The following BMERB1 variants were observed in gnomAD, a reference collection of about 807,000 sequenced individuals.
The protein encoded by BMERB1 is bMERB domain containing 1, also known as bMERB domain-containing protein 1.
A neutral mutation model predicts 23.6 loss-of-function variants in BMERB1; 12 were observed. The ratio of observed to expected loss-of-function variants is 0.51; its 90% CI spans 0.33 to 0.82. The LOEUF (loss-of-function observed/expected upper bound fraction) is 0.82. Ranked by LOEUF, BMERB1 falls within the 40% of genes least tolerant of loss-of-function variation. BMERB1 has a pLI of 0.03. For missense variants in BMERB1, 247 were observed against 255.4 expected (o/e 0.97, Z 0.22); for synonymous variants, 122 against 96.6 (o/e 1.26, Z -1.54).
intron 1 of BMERB1, among the ~76,000 whole-genome samples, chr16:15,505,752 G>A (rs569908886): frequency 1.2e-3 from 188 of 152,146 alleles, no homozygotes; most frequent in African/African-American, 4.5e-3. Flanking sequence ...GGCTGGTGTG[G>A]TGGTGGGCGC....
chr16:15,581,392 C>A, intron 4 of BMERB1, 61 bp downstream of exon 4: 1 of 1,389,112 alleles, frequency 7.2e-7, no homozygotes, highest in Non-Finnish European at 1.0e-6. Context: ...TGCTTCCTTC[C>A]AGAACCCATC....
intron 2 of BMERB1, among the ~76,000 whole-genome samples, chr16:15,530,903 C>CTTTTTTTTTTTTTT (rs1220558728): frequency 1.8e-5 from 2 of 109,246 alleles, no homozygotes; most frequent in Non-Finnish European, 1.8e-5. Flanking sequence ...TTTCTTCTTT[C>CTTTTTTTTTTTTTT]TTTTTTTTTT....
At chr16:15,584,279 G>C (rs1667868863) in intron 5 of BMERB1, 1 of 464,150 alleles carries the variant, frequency 2.2e-6, no homozygotes, top group Non-Finnish European at 3.8e-6. Flanking sequence ...TGGATGCCTG[G>C]CTGGGCGCGG....
chr16:15,536,124 G>C (rs763535776), intron 2 of BMERB1, among the ~76,000 whole-genome samples: 2 of 152,170 alleles, frequency 1.3e-5, no homozygotes, highest in African/African-American at 2.4e-5. Flanking sequence ...GAAGAGGATG[G>C]TGCGGGAGAT....
At chr16:15,572,936 C>T (rs2030765379) in intron 3 of BMERB1, among the ~76,000 whole-genome samples, 1 of 152,190 alleles carries the variant, frequency 6.6e-6, no homozygotes, top group East Asian at 1.9e-4. Context: ...ATTTTCTGTG[C>T]TGCCTGCTGC....
rs548221302 is a variant in BMERB1, at chr16:15,490,602, C to T, written c.107-24703C>T. Among the ~76,000 whole-genome samples the T allele has an allele frequency of 2.0e-5, 3 of 152,202 alleles. No homozygotes were observed. In the South Asian group the frequency reaches 6.2e-4, roughly 32 times the overall value. On this transcript the variant is annotated intron_variant, in intron 1 of 5. Coordinates refer to ENST00000300006, the MANE Select transcript of BMERB1 (RefSeq NM_033201.3). ...CCAGCCTCGGACTGCTACTTTAGACCCCACTTTCTTGTCCAGGTGTGATCC... is the reference window on the plus strand; with the variant it reads ...CCAGCCTCGGACTGCTACTTTAGACTCCACTTTCTTGTCCAGGTGTGATCC...
At chr16:15,561,260 T>C (rs1045637817) in intron 2 of BMERB1, among the ~76,000 whole-genome samples, 6 of 112,758 alleles carry the variant, frequency 5.3e-5, no homozygotes, top group African/African-American at 2.3e-4. Context: ...CCGGCCATTT[T>C]TTTTTTTTTT....
chr16:15,576,298 C>T (rs2030858551), intron 3 of BMERB1, among the ~76,000 whole-genome samples: 1 of 152,140 alleles, frequency 6.6e-6, no homozygotes, highest in Admixed American at 6.5e-5. Flanking sequence ...CTGCCCGCCT[C>T]GGCCTACCAA....
rs976904481 is a variant in BMERB1 at position 15,465,246 on chromosome 16, G to T, written c.106+30487G>T. On this transcript the variant is annotated intron_variant, in intron 1 of 5. Coordinates refer to ENST00000300006, the MANE Select transcript of BMERB1 (RefSeq NM_033201.3). ...TTAGGACCTCTCTGACATACAAACG[G>T]ATATAAATCAGCAATTCTCTCCAAA... is the stretch of plus-strand genomic sequence containing the variant. 2.0e-5 allele frequency among the ~76,000 whole-genome samples: 3 copies of T among 151,896 alleles called. No homozygotes were observed. The East Asian group carries it at 5.8e-4, about 29-fold the overall frequency.
chr16:15,584,489 C>T (rs1649771751), intron 5 of BMERB1, among the ~76,000 whole-genome samples: 1 of 141,692 alleles, frequency 7.1e-6, no homozygotes, highest in South Asian at 2.2e-4. Flanking sequence ...ACTGGGGAGG[C>T]GGAGCTTGCA....
At chr16:15,520,146 G>A (rs1157744498) in intron 2 of BMERB1, among the ~76,000 whole-genome samples, 1 of 152,104 alleles carries the variant, frequency 6.6e-6, no homozygotes, top group Non-Finnish European at 1.5e-5. Flanking sequence ...AATTGAGGTC[G>A]GAGAGGCAAA....
chr16:15,530,086 C>G (rs749137346), intron 2 of BMERB1, among the ~76,000 whole-genome samples: 1 of 152,164 alleles, frequency 6.6e-6, no homozygotes, highest in Non-Finnish European at 1.5e-5. Flanking sequence ...CCTCCATCTC[C>G]GAAGCCAGCA....
intron 2 of BMERB1, among the ~76,000 whole-genome samples, chr16:15,552,436 T>A (rs563291903): frequency 6.7e-6 from 1 of 149,736 alleles, no homozygotes; most frequent in East Asian, 2.0e-4. Context: ...CGAGACTCCA[T>A]CTCAAAAAAA....
intron 1 of BMERB1, among the ~76,000 whole-genome samples, chr16:15,435,293 G>C (rs1216978259): frequency 6.6e-6 from 1 of 152,200 alleles, no homozygotes; most frequent in Non-Finnish European, 1.5e-5. Context: ...GCTTGGGGCG[G>C]CAAAAGGGTC....
At chr16:15,493,638 G>A (rs1258649590) in intron 1 of BMERB1, among the ~76,000 whole-genome samples, 2 of 151,830 alleles carry the variant, frequency 1.3e-5, no homozygotes, top group African/African-American at 4.8e-5. Context: ...CATTGAACTG[G>A]ACCCGTTCAC....
intron 5 of BMERB1, among the ~76,000 whole-genome samples, 166 bp downstream of exon 5, chr16:15,583,404 C>G (rs2031065640): frequency 6.6e-6 from 1 of 151,924 alleles, no homozygotes; most frequent in African/African-American, 2.4e-5. Flanking sequence ...ATGGTGAAAC[C>G]CCGTATCTAC....
At chr16:15,463,547 C>T (rs1231325852) in intron 1 of BMERB1, among the ~76,000 whole-genome samples, 2 of 152,156 alleles carry the variant, frequency 1.3e-5, no homozygotes, top group Admixed American at 6.5e-5. Flanking sequence ...AACCACCTTC[C>T]CTTGCCTCGT....
chr16:15,558,237 G>T (rs2030321406), intron 2 of BMERB1, among the ~76,000 whole-genome samples: 1 of 151,992 alleles, frequency 6.6e-6, no homozygotes, highest in South Asian at 2.1e-4. Context: ...CAAAAGAAAA[G>T]AATTTATTCA....
Position 15,587,116 on chromosome 16 carries a change from A to G in BMERB1, c.*287A>G, listed in dbSNP as rs753675188. On this transcript the variant is annotated 3_prime_UTR_variant, in exon 6 of 6. Transcript: ENST00000300006. ...AGGAAAGGTCCTCCCTCAAAAAAGC[A>G]TATCTCCACTTCTCTCTAGCTGTAT... is the stretch of plus-strand genomic sequence containing the variant. The G allele has an allele frequency of 3.5e-5, 15 of 424,822 alleles. No homozygotes were observed. The East Asian group carries it at 4.0e-4, about 11-fold the overall frequency. 26.3% of individuals were successfully genotyped at this position (424,822 alleles called of 1,614,324 possible).
Sources: gnomAD v4.1 joint callset for allele counts (sites outside exome capture counted in the v4.1 genomes callset) on GRCh38, gnomAD v4.1.1 for gene constraint, MANE v1.5 for transcripts, NCBI Gene and HGNC (gene_info 2026-07-23, HGNC 2026-07-21) for gene names.